The following PTPRT variants were observed in gnomAD, a reference collection of about 807,000 sequenced individuals.
PTPRT encodes the protein receptor-type tyrosine-protein phosphatase T.
PTPRT carries 56 observed loss-of-function variants against 176.8 expected under a neutral mutation model. The ratio of observed to expected loss-of-function variants is 0.32; its 90% CI spans 0.26 to 0.40. The LOEUF is 0.40. Ranked by LOEUF, PTPRT falls within the 10% of genes least tolerant of loss-of-function variation. The probability of loss-of-function intolerance (pLI) is 1.00; values close to 1 mark genes in which losing one functional copy is unlikely to be tolerated. For synonymous variants in PTPRT, 783 were observed against 739.0 expected (o/e 1.06, Z -0.96); for missense variants, 1,540 against 1,908.2 (o/e 0.81, Z 3.60).
At chr20:42,791,580 T>C (rs1471017378) in intron 2 of PTPRT, 114 bp from the exon 3 acceptor site, 1 of 1,231,762 alleles carries the variant, frequency 8.1e-7, no homozygotes, top group Non-Finnish European at 1.1e-6. Context: ...AGAGATCAAG[T>C]CACTCTAGAA....
chr20:42,148,726 G>A (rs867027586), intron 17 of PTPRT, among the ~76,000 whole-genome samples: 3 of 152,160 alleles, frequency 2.0e-5, no homozygotes, highest in Non-Finnish European at 4.4e-5. Context: ...CTGAGGCCAC[G>A]ATGGAACAAG....
chr20:42,756,598 A>C lies in PTPRT; in HGVS notation c.723T>G (p.Arg241=). Residue 241 remains arginine, a synonymous_variant, in exon 6 of 31, where the codon CGT becomes CGG. Transcript: ENST00000373187. ...CTGAGAAGCGCCTGTGGTTGACCAC[A>C]CGGGTGACCATCAGGGCCGTGTCCC... ...NGRDTALMVT[R]VVNHRRFSAT... is the part of the protein sequence containing the mutation. The C allele has an allele frequency of 6.2e-7, 1 of 1,608,884 alleles. No homozygotes were observed. Among genetic ancestry groups the C allele is most frequent in the Non-Finnish European group, 8.5e-7 (1 of 1,176,728 alleles).
At chr20:43,005,096 A>G (rs1984783067) in intron 1 of PTPRT, among the ~76,000 whole-genome samples, 1 of 152,048 alleles carries the variant, frequency 6.6e-6, no homozygotes, top group Non-Finnish European at 1.5e-5. Context: ...TGTTCCTCCT[A>G]TAGTTCACAT....
chr20:42,231,357 C>A (rs757259445), intron 15 of PTPRT, among the ~76,000 whole-genome samples: 4 of 152,294 alleles, frequency 2.6e-5, no homozygotes, highest in Admixed American at 2.0e-4. Flanking sequence ...CTTAACCCTG[C>A]TGCATTCTGG....
intron 9 of PTPRT, among the ~76,000 whole-genome samples, chr20:42,352,745 A>C (rs7352928): frequency 0.18 from 27,858 of 152,264 alleles, 3,109 homozygotes; most frequent in African/African-American, 0.31. Flanking sequence ...AACAGAGAAG[A>C]TAATTGCTTG....
intron 3 of PTPRT, among the ~76,000 whole-genome samples, 196 bp from the exon 4 acceptor site, chr20:42,780,495 G>A (rs1350353008): frequency 6.6e-6 from 1 of 152,136 alleles, no homozygotes; most frequent in Non-Finnish European, 1.5e-5. Context: ...CACTTTGGTG[G>A]CTAGCAAAAG....
At chr20:42,784,995 A>G (rs1370242296) in intron 3 of PTPRT, among the ~76,000 whole-genome samples, 2 of 152,220 alleles carry the variant, frequency 1.3e-5, no homozygotes, top group Non-Finnish European at 2.9e-5. Context: ...TGCTGAAAGA[A>G]TAGATTTTTT....
chr20:43,045,411 G>A (rs928131510), intron 1 of PTPRT, among the ~76,000 whole-genome samples: 1 of 151,752 alleles, frequency 6.6e-6, no homozygotes, highest in Non-Finnish European at 1.5e-5. Context: ...CAAGCAAGAC[G>A]GACAAGAACT....
At chr20:42,806,953 T>C (rs567258959) in intron 2 of PTPRT, among the ~76,000 whole-genome samples, 1 of 152,310 alleles carries the variant, frequency 6.6e-6, no homozygotes, top group South Asian at 2.1e-4. Flanking sequence ...CACAGAAGTA[T>C]TCCTTCCAGC....
At chr20:42,837,402 A>G (rs2078200556) in intron 2 of PTPRT, among the ~76,000 whole-genome samples, 1 of 152,106 alleles carries the variant, frequency 6.6e-6, no homozygotes, top group Non-Finnish European at 1.5e-5. Context: ...CCAGGCTATC[A>G]TCCTATTGTG....
At chr20:42,326,652 T>C (rs2057886696) in intron 11 of PTPRT, among the ~76,000 whole-genome samples, 1 of 152,146 alleles carries the variant, frequency 6.6e-6, no homozygotes, top group Non-Finnish European at 1.5e-5. Context: ...CTCTACTGAA[T>C]GATTTAAAAG....
chr20:42,892,553 C>T (rs1460548171), intron 1 of PTPRT, among the ~76,000 whole-genome samples: 1 of 152,044 alleles, frequency 6.6e-6, no homozygotes, highest in Non-Finnish European at 1.5e-5. Context: ...ACTTGCCCTC[C>T]GTGGTAGGCA....
At chr20:42,906,585 G>T (rs2079481089) in intron 1 of PTPRT, among the ~76,000 whole-genome samples, 1 of 152,188 alleles carries the variant, frequency 6.6e-6, no homozygotes. Flanking sequence ...AACTAAAAGA[G>T]CACATGCCCA....
At chr20:42,897,872 A>G (rs193258966) in intron 1 of PTPRT, among the ~76,000 whole-genome samples, 1 of 152,346 alleles carries the variant, frequency 6.6e-6, no homozygotes, top group Non-Finnish European at 1.5e-5. Context: ...CACTTGGAAT[A>G]GTACCTGGCA....
chr20:42,496,359 C>G (rs933363163), intron 7 of PTPRT, among the ~76,000 whole-genome samples: 2 of 152,106 alleles, frequency 1.3e-5, no homozygotes, highest in African/African-American at 2.4e-5. Context: ...ATTTTTCTTC[C>G]ACCTCTTGCT....
chr20:42,988,442 C>A (rs1335067080), intron 1 of PTPRT, among the ~76,000 whole-genome samples: 3 of 152,178 alleles, frequency 2.0e-5, no homozygotes, highest in Non-Finnish European at 4.4e-5. Flanking sequence ...CTCTCAGGGA[C>A]AGGGTCATGG....
chr20:42,042,727 A>C, the PTPRT span, among the ~76,000 whole-genome samples: 1 of 152,194 alleles, frequency 6.6e-6, no homozygotes, highest in Non-Finnish European at 1.5e-5. Flanking sequence ...TCACTCACTC[A>C]CCAGCCTTAT....
At chr20:42,100,153 C>T (rs1568928929) in intron 26 of PTPRT, among the ~76,000 whole-genome samples, 1 of 152,176 alleles carries the variant, frequency 6.6e-6, no homozygotes, top group Non-Finnish European at 1.5e-5. Context: ...ACATGGTGCC[C>T]AACACTCAGT....
intron 17 of PTPRT, among the ~76,000 whole-genome samples, chr20:42,156,506 T>G (rs1379874225): frequency 6.6e-6 from 1 of 152,222 alleles, no homozygotes; most frequent in Admixed American, 6.5e-5. Context: ...CAGCCCAGGC[T>G]TCTTTATCAA....
Sources: allele counts gnomAD v4.1 joint callset (sites outside exome capture counted in the v4.1 genomes callset), GRCh38; gene constraint gnomAD v4.1.1; transcripts MANE v1.5; gene names NCBI Gene and HGNC (gene_info 2026-07-23, HGNC 2026-07-21).